UBE3D: variants seen among roughly 807,000 people sequenced by gnomAD.
The protein encoded by UBE3D is ubiquitin protein ligase E3D.
Under a neutral mutation model 49.6 loss-of-function variants are expected in UBE3D, and 48 were observed. That is an observed-to-expected ratio of 0.97 (90% CI 0.77 to 1.23). The LOEUF (loss-of-function observed/expected upper bound fraction) is 1.23, where lower values mean the gene tolerates loss of function less well. Ranked by LOEUF, UBE3D falls within the 50% of genes most tolerant of loss-of-function variation. The pLI, the probability that UBE3D is intolerant of heterozygous loss-of-function variation, is 0.00. For missense variants in UBE3D, 452 were observed against 468.4 expected (o/e 0.96, Z 0.32); for synonymous variants, 189 against 174.2 (o/e 1.08, Z -0.67).
At chr6:82,895,038 T>G (rs1771211468) in intron 9 of UBE3D, among the ~76,000 whole-genome samples, 1 of 152,206 alleles carries the variant, frequency 6.6e-6, no homozygotes, top group African/African-American at 2.4e-5. Flanking sequence ...GCCGGCACAG[T>G]GGCTCACAGT....
At chr6:83,015,176 C>T (rs114796680) in intron 8 of UBE3D, among the ~76,000 whole-genome samples, 8 of 152,248 alleles carry the variant, frequency 5.3e-5, no homozygotes, top group South Asian at 2.1e-4. Flanking sequence ...AGGGCAATTA[C>T]GGGGCTCTTC....
the UBE3D span, among the ~76,000 whole-genome samples, chr6:82,884,849 C>G: frequency 3.3e-5 from 5 of 152,250 alleles, no homozygotes; most frequent in East Asian, 9.7e-4. Context: ...ACCAGTGACA[C>G]TGAACAAAAA....
chr6:82,970,732 G>A (rs972000746), intron 8 of UBE3D, among the ~76,000 whole-genome samples: 9 of 152,006 alleles, frequency 5.9e-5, no homozygotes, highest in East Asian at 3.9e-4. Flanking sequence ...CCAGCTACTC[G>A]GGAGGCTGAG....
intron 7 of UBE3D, 80 bp from the exon 8 acceptor site, chr6:83,019,216 G>C (rs1210456648): frequency 1.3e-5 from 17 of 1,296,096 alleles, no homozygotes; most frequent in Admixed American, 6.2e-5. Flanking sequence ...AAACAAAAAA[G>C]AGACTATGAA....
intron 8 of UBE3D, among the ~76,000 whole-genome samples, chr6:82,983,155 GTTT>G (rs5877831): frequency 2.2e-5 from 3 of 134,758 alleles, no homozygotes; most frequent in Admixed American, 7.4e-5. Flanking sequence ...CTGGCTGAAA[GTTT>G]TTTTTTTTTT....
chr6:82,957,759 CTGAA>C (rs1776267065), intron 8 of UBE3D, among the ~76,000 whole-genome samples: 1 of 152,162 alleles, frequency 6.6e-6, no homozygotes, highest in African/African-American at 2.4e-5. Flanking sequence ...GGCTAACACA[CTGAA>C]TGCTTCCTAC....
Position 83,045,104 on chromosome 6 carries a change from T to G in UBE3D, c.366-445A>C, listed in dbSNP as rs189816537. ...GATATTTAGGTTTTGAGTTTTTCATTATCAATAACTCTGTGATGAATGTTC... is the reference window on the plus strand; with the variant it reads ...GATATTTAGGTTTTGAGTTTTTCATGATCAATAACTCTGTGATGAATGTTC... On this transcript the variant is annotated intron_variant, in intron 3 of 9. Transcript: ENST00000369747. Among the ~76,000 whole-genome samples the G allele has an allele frequency of 1.8e-3, 275 of 152,326 alleles. 1 individual carries two copies. Among genetic ancestry groups the G allele is most frequent in the African/African-American group, 6.3e-3 (261 of 41,572 alleles).
chr6:82,889,755 G>A (rs1180684269), downstream of UBE3D, among the ~76,000 whole-genome samples: 1 of 151,816 alleles, frequency 6.6e-6, no homozygotes, highest in African/African-American at 2.4e-5. Context: ...ATGTAAGCTC[G>A]ATGCGGGCAA....
the UBE3D span, among the ~76,000 whole-genome samples, chr6:82,880,974 T>C: frequency 6.6e-6 from 1 of 152,172 alleles, no homozygotes; most frequent in African/African-American, 2.4e-5. Flanking sequence ...GAGTTTCTTT[T>C]ATAAGGTCTC....
chr6:82,928,257 T>C (rs1339818734), intron 9 of UBE3D, among the ~76,000 whole-genome samples: 1 of 152,074 alleles, frequency 6.6e-6, no homozygotes, highest in Non-Finnish European at 1.5e-5. Context: ...GGGAACCGCA[T>C]ATGAATGGCT....
At chr6:82,980,124 C>T (rs556510656) in intron 8 of UBE3D, among the ~76,000 whole-genome samples, 57 of 152,082 alleles carry the variant, frequency 3.7e-4, no homozygotes, top group Admixed American at 1.2e-3. Flanking sequence ...AGTGGGATTG[C>T]TAGATTGAAT....
At chr6:82,957,233 C>T (rs1451192524) in intron 9 of UBE3D, 79 bp downstream of exon 9, 56 of 1,474,552 alleles carry the variant, frequency 3.8e-5, no homozygotes, top group Non-Finnish European at 4.7e-5. Flanking sequence ...GGGCTATCTC[C>T]TGTGAAAGAG....
intron 9 of UBE3D, among the ~76,000 whole-genome samples, chr6:82,901,532 G>A (rs1407419320): frequency 6.6e-6 from 1 of 152,202 alleles, no homozygotes; most frequent in East Asian, 1.9e-4. Flanking sequence ...TCTGATGCCT[G>A]CTAGGTTTGA....
intron 8 of UBE3D, among the ~76,000 whole-genome samples, chr6:82,984,641 G>A: frequency 6.6e-6 from 1 of 152,076 alleles, no homozygotes; most frequent in East Asian, 1.9e-4. Context: ...GTGAGGGTGG[G>A]TATCTTTTTA....
intron 8 of UBE3D, among the ~76,000 whole-genome samples, chr6:83,002,304 C>T (rs1582605008): frequency 6.6e-6 from 1 of 152,084 alleles, no homozygotes; most frequent in Admixed American, 6.5e-5. Flanking sequence ...ACTTAATTTC[C>T]AATGCAACAG....
intron 9 of UBE3D, among the ~76,000 whole-genome samples, chr6:82,916,030 T>C (rs186423624): frequency 6.6e-6 from 1 of 152,316 alleles, no homozygotes; most frequent in Non-Finnish European, 1.5e-5. Context: ...GGCATAGTCA[T>C]AGGGACAAAA....
intron 6 of UBE3D, among the ~76,000 whole-genome samples, 184 bp downstream of exon 6, chr6:83,023,785 C>T (rs1389056063): frequency 6.6e-6 from 1 of 152,134 alleles, no homozygotes; most frequent in South Asian, 2.1e-4. Flanking sequence ...GTACAGTGAA[C>T]AGTGCTTGTG....
intron 2 of UBE3D, among the ~76,000 whole-genome samples, chr6:83,056,721 C>T (rs1002599783): frequency 1.7e-4 from 26 of 152,280 alleles, no homozygotes; most frequent in African/African-American, 6.0e-4. Flanking sequence ...AGAGCACAGA[C>T]TCAGGGGAAT....
intron 8 of UBE3D, among the ~76,000 whole-genome samples, chr6:82,998,672 T>C (rs950905444): frequency 6.6e-6 from 1 of 152,188 alleles, no homozygotes; most frequent in East Asian, 1.9e-4. Context: ...GCTTCAAATA[T>C]ATAATTAAAA....
Sources: gnomAD v4.1 joint callset for allele counts (sites outside exome capture counted in the v4.1 genomes callset) on GRCh38, gnomAD v4.1.1 for gene constraint, MANE v1.5 for transcripts, NCBI Gene and HGNC (gene_info 2026-07-23, HGNC 2026-07-21) for gene names.